The following TPD52L3 variants were observed in gnomAD, a reference collection of about 807,000 sequenced individuals.
TPD52L3 encodes TPD52 like 3.
A neutral mutation model predicts 8.7 loss-of-function variants in TPD52L3; 12 were observed. That is an observed-to-expected ratio of 1.38 (90% CI 0.89 to 2.24). The LOEUF is 2.24. Among genes scored for constraint, TPD52L3 ranks in the 30% most tolerant of loss-of-function variants. TPD52L3 has a pLI of 0.00. For missense variants in TPD52L3, 207 were observed against 158.7 expected, an observed-to-expected ratio of 1.30 and a Z score of -1.64; for synonymous variants, 79 against 66.8, an observed-to-expected ratio of 1.18 and a Z score of -0.89.
At chr9:6,330,823 G>C in intron 1 of TPD52L3, 153 bp from the exon 2 acceptor site, 2 of 1,421,774 alleles carry the variant, frequency 1.4e-6, no homozygotes, top group Non-Finnish European at 1.8e-6. Context: ...GACAATCTCA[G>C]ACTATTATCA....
In TPD52L3 at chr9:6,328,829, G is replaced by A; in HGVS notation, c.234G>A (p.Lys78=). Residue 78 remains lysine (K), a synonymous_variant, in exon 1 of 2, where the codon AAG becomes AAA. Coordinates refer to ENST00000314556, the MANE Select transcript of TPD52L3 (RefSeq NM_001001874.3). Reference sequence around the variant, plus strand: ...TAGGGCTGAGACAGAATCTGTCCAAGAGCTGGCTTGATGTTCAGGTCTCCA... The same window carrying A: ...TAGGGCTGAGACAGAATCTGTCCAAAAGCTGGCTTGATGTTCAGGTCTCCA... ...ALVGLRQNLS[K]SWLDVQVSNT... 6.2e-7 allele frequency: 1 copy of A among 1,614,228 alleles called. No homozygotes were observed. The highest frequency in any genetic ancestry group is 8.5e-7 in the Non-Finnish European group (1 of 1,180,038).
Position 6,328,536 on chromosome 9 carries a change from G to A in TPD52L3, c.-60G>A. On this transcript the variant is annotated 5_prime_UTR_variant, in exon 1 of 2. Coordinates refer to ENST00000314556, the MANE Select transcript of TPD52L3 (RefSeq NM_001001874.3). ...TTATTTCTCTGCAGCCCAATAATTC[G>A]ACTCTTTCTACCAAGAATTGGACCT... 2.6e-6 allele frequency: 4 copies of A among 1,554,062 alleles called. No individual in the cohort carries two copies. The highest frequency in any genetic ancestry group is 3.5e-6 in the Non-Finnish European group (4 of 1,153,742).
Position 6,331,170 on chromosome 9 carries a change from C to T in TPD52L3, c.*151C>T. 1.3e-6 allele frequency: 1 copy of T among 744,504 alleles called. No individual in the cohort carries two copies. Among genetic ancestry groups the T allele is most frequent in the Non-Finnish European group, 2.2e-6 (1 of 464,656 alleles). 46.1% of individuals were successfully genotyped at this position (744,504 alleles called of 1,614,324 possible). A position where few individuals can be genotyped will look rare whatever the true frequency, so the allele number is the denominator to read the frequency against. On this transcript the variant is annotated 3_prime_UTR_variant, in exon 2 of 2. Coordinates refer to ENST00000314556, the MANE Select transcript of TPD52L3 (RefSeq NM_001001874.3). ...TCTGTATCAAGAACTGTCCCAGGTTCTGAAAGCATAGAATTAGACATCGTA... is the reference window on the plus strand; with the variant it reads ...TCTGTATCAAGAACTGTCCCAGGTTTTGAAAGCATAGAATTAGACATCGTA...
rs974828881 is a variant in TPD52L3 at position 6,328,508 on chromosome 9, A to G, written c.-88A>G. ...GCCTAGATTTCGACTCTGCTGGCCA[A>G]GATTATTTCTCTGCAGCCCAATAAT... On this transcript the variant is annotated 5_prime_UTR_variant, in exon 1 of 2. Coordinates refer to ENST00000314556, the MANE Select transcript of TPD52L3 (RefSeq NM_001001874.3). 2 of 1,488,976 alleles carry G rather than the reference A, an allele frequency of 1.3e-6. No homozygotes were observed. Among genetic ancestry groups the G allele is most frequent in the South Asian group, 1.3e-5 (1 of 76,090 alleles). The allele number at this position is 1,488,976 out of a possible 1,614,324, so 92.2% of individuals were successfully genotyped here.
At position 6,331,039 on chromosome 9, in the gene TPD52L3, C is replaced by T; in HGVS notation, c.*20C>T. ...AATTAACATCATATACTTCAGACAT[C>T]AAATATGGAATCCAAGAGACTATCA... is the stretch of plus-strand genomic sequence containing the variant. On this transcript the variant is annotated 3_prime_UTR_variant, in exon 2 of 2. Transcript: ENST00000314556. 2 of 1,605,090 alleles carry T rather than the reference C, an allele frequency of 1.2e-6. No individual in the cohort carries two copies. The highest frequency in any genetic ancestry group is 1.7e-6 in the Non-Finnish European group (2 of 1,174,250).
rs35265207 is a variant in TPD52L3 at position 6,328,959 on chromosome 9, G to C, written c.364G>C (p.Glu122Gln). 5 of 1,614,066 alleles carry C rather than the reference G, an allele frequency of 3.1e-6. No homozygotes were observed. The African/African-American group carries it at 6.7e-5, about 22-fold the overall frequency. Residue 122 changes from glutamate to glutamine, a missense_variant, in exon 1 of 2, where the codon GAA (glutamate) becomes CAA (glutamine). Glu to Gln is a conservative substitution (Grantham distance 29). Transcript: ENST00000314556. ...GAAGTCGGCCACATTCAGATCTTTT[G>C]AAGGTCTGATGGGGACAATCAAGTC... ...VKKSATFRSF[E>Q]GLIFNKYTLN...
intron 1 of TPD52L3, 118 bp downstream of exon 1, chr9:6,329,080 C>T: frequency 1.3e-6 from 2 of 1,563,664 alleles, no homozygotes; most frequent in Non-Finnish European, 1.7e-6. Flanking sequence ...TGGGGAAGAC[C>T]CACTCCAGAT....
intron 1 of TPD52L3, chr9:6,330,165 T>G (rs748481249): frequency 1.2e-6 from 2 of 1,613,888 alleles, no homozygotes; most frequent in Non-Finnish European, 8.5e-7. Context: ...TAACTCCAAG[T>G]CTGCCCTTCT....
In TPD52L3 at chr9:6,328,716, G is replaced by T; in HGVS notation, c.121G>T (p.Ala41Ser). 6.2e-7 allele frequency: 1 copy of T among 1,614,182 alleles called. No individual in the cohort carries two copies. Among genetic ancestry groups the T allele is most frequent in the Non-Finnish European group, 8.5e-7 (1 of 1,180,044 alleles). Reference protein sequence around the residue: ...ELKTKLTKLEAEIVTLRHVLA... With the variant: ...ELKTKLTKLESEIVTLRHVLA... ...CAAAACCAAACTCACTAAATTGGAGGCTGAAATTGTAACCCTACGCCACGT... is the reference window on the plus strand; with the variant it reads ...CAAAACCAAACTCACTAAATTGGAGTCTGAAATTGTAACCCTACGCCACGT... The change falls in exon 1 of 2, where the codon GCT becomes TCT. Residue 41 changes from alanine (A) to serine (S), a missense_variant. By Grantham distance (99) the Ala-to-Ser change is moderately conservative. Coordinates refer to ENST00000314556, the MANE Select transcript of TPD52L3 (RefSeq NM_001001874.3).
chr9:6,330,414 G>C, intron 1 of TPD52L3: 1 of 1,395,372 alleles, frequency 7.2e-7, no homozygotes, highest in Non-Finnish European at 9.3e-7. Context: ...CAGAGACTAG[G>C]ACCCTTATGG....
At chr9:6,329,211 C>T (rs1417663762) in intron 1 of TPD52L3, 2 of 1,408,838 alleles carry the variant, frequency 1.4e-6, no homozygotes, top group Non-Finnish European at 1.9e-6. Flanking sequence ...TGCAAGGACC[C>T]CCTTCCCTTA....
intron 1 of TPD52L3, 25 bp downstream of exon 1, chr9:6,328,987 A>C: frequency 6.2e-7 from 1 of 1,614,128 alleles, no homozygotes; most frequent in Non-Finnish European, 8.5e-7. Flanking sequence ...ATCAAGTCCA[A>C]AGTCTCAGGG....
In TPD52L3 at chr9:6,328,628, C is replaced by T. The variant is rs752091833; in HGVS notation, c.33C>T (p.Gly11=). Residue 11 remains glycine, a synonymous_variant, in exon 1 of 2, where the codon GGC becomes GGT. Transcript: ENST00000314556. Reference sequence around the variant, plus strand: ...ATGCCAGGACAGAGACCTCTGTGGGCACATATGAATCCCACTCGACTTCTG... The same window carrying T: ...ATGCCAGGACAGAGACCTCTGTGGGTACATATGAATCCCACTCGACTTCTG... MPHARTETSV[G]TYESHSTSEL... 6.2e-7 allele frequency: 1 copy of T among 1,613,974 alleles called. No individual in the cohort carries two copies. The highest frequency in any genetic ancestry group is 1.1e-5 in the South Asian group (1 of 91,082).
chr9:6,331,089 C>G lies in TPD52L3; in HGVS notation c.*70C>G, dbSNP rs369307917. 3.9e-6 allele frequency: 6 copies of G among 1,525,752 alleles called. No individual in the cohort carries two copies. Among genetic ancestry groups the G allele is most frequent in the Middle Eastern group, 1.7e-4 (1 of 5,806 alleles). 94.5% of individuals were successfully genotyped at this position (1,525,752 alleles called of 1,614,324 possible). A position where few individuals can be genotyped will look rare whatever the true frequency, so the allele number is the denominator to read the frequency against. The stretch of plus-strand genomic sequence containing the variant: ...AACAACATGAACTTGTTCACAAGTT[C>G]CTTCTGCTTTTAAACAAAAATATCG... On this transcript the variant is annotated 3_prime_UTR_variant, in exon 2 of 2. Coordinates refer to ENST00000314556, the MANE Select transcript of TPD52L3 (RefSeq NM_001001874.3).
intron 1 of TPD52L3, chr9:6,329,751 A>C (rs1306352741): frequency 9.9e-7 from 1 of 1,009,124 alleles, no homozygotes; most frequent in African/African-American, 1.7e-5. Context: ...TACATTACTA[A>C]TATAGCTTTT....
intron 1 of TPD52L3, chr9:6,330,258 T>C: frequency 2.5e-6 from 4 of 1,586,604 alleles, no homozygotes; most frequent in Admixed American, 2.0e-5. Context: ...CGGTGCTTGT[T>C]TGAATTTTCT....
Position 6,331,146 on chromosome 9 carries a change from C to T in TPD52L3, c.*127C>T. 1 of 980,672 alleles carries T rather than the reference C, an allele frequency of 1.0e-6. No homozygotes were observed. Among genetic ancestry groups the T allele is most frequent in the African/African-American group, 1.6e-5 (1 of 61,922 alleles). The allele number at this position is 980,672 out of a possible 1,614,324, so 60.7% of individuals were successfully genotyped here. ...TTCAAAGCCAATCTGAGACCCTACT[C>T]TGTATCAAGAACTGTCCCAGGTTCT... On this transcript the variant is annotated 3_prime_UTR_variant, in exon 2 of 2. Transcript: ENST00000314556.
chr9:6,329,875 T>C, intron 1 of TPD52L3: 1 of 1,203,638 alleles, frequency 8.3e-7, no homozygotes, highest in Admixed American at 4.3e-5. Flanking sequence ...TGTGCTTTGT[T>C]TATAATTTCT....
Position 6,328,740 on chromosome 9 carries a change from G to A in TPD52L3, c.145G>A (p.Val49Ile), listed in dbSNP as rs1294329353. ...GGCTGAAATTGTAACCCTACGCCAC[G>A]TACTAGCAGCCAAAGAGAGACGCTG... ...LEAEIVTLRH[V>I]LAAKERRCGE... Residue 49 changes from valine to isoleucine, a missense_variant, in exon 1 of 2, where the codon GTA (valine) becomes ATA (isoleucine). Val to Ile is a conservative substitution (Grantham distance 29). Transcript: ENST00000314556. The A allele has an allele frequency of 3.1e-6, 5 of 1,614,048 alleles. No individual in the cohort carries two copies. Among genetic ancestry groups the A allele is most frequent in the Middle Eastern group, 1.6e-4 (1 of 6,084 alleles).
Sources: allele counts gnomAD v4.1 joint callset, GRCh38; gene constraint gnomAD v4.1.1; transcripts MANE v1.5; gene names NCBI Gene and HGNC (gene_info 2026-07-23, HGNC 2026-07-21).